WIPF3: variants seen among roughly 807,000 people sequenced by gnomAD.
WIPF3 encodes the protein WAS/WASL interacting protein family member 3, also known as WAS/WASL-interacting protein family member 3.
A neutral mutation model predicts 38.9 loss-of-function variants in WIPF3; 33 were observed. That is an observed-to-expected ratio of 0.85 (90% CI 0.64 to 1.14). The LOEUF is 1.14. Among genes scored for constraint, WIPF3 ranks in the 50% most tolerant of loss-of-function variants. WIPF3 has a pLI of 0.00. For missense variants in WIPF3, 711 were observed against 652.5 expected (o/e 1.09, Z -0.98); for synonymous variants, 324 against 269.3 (o/e 1.20, Z -1.99).
chr7:29,870,217 A>T (rs1032442793), intron 2 of WIPF3, among the ~76,000 whole-genome samples: 1 of 152,202 alleles, frequency 6.6e-6, no homozygotes, highest in Non-Finnish European at 1.5e-5. Context: ...TGGGCTGGTC[A>T]CTAAGGGCCT....
At chr7:29,812,651 A>G (rs1170137865) in intron 1 of WIPF3, among the ~76,000 whole-genome samples, 1 of 152,208 alleles carries the variant, frequency 6.6e-6, no homozygotes, top group African/African-American at 2.4e-5. Flanking sequence ...GTTGTTCTAA[A>G]TATATTAGAG....
chr7:29,851,162 A>G (rs531029978), intron 2 of WIPF3, among the ~76,000 whole-genome samples: 2 of 152,220 alleles, frequency 1.3e-5, no homozygotes, highest in East Asian at 1.9e-4. Flanking sequence ...CTTGCCGGCC[A>G]TGTCACCTTC....
intron 1 of WIPF3, among the ~76,000 whole-genome samples, chr7:29,808,209 C>T (rs1317587695): frequency 6.6e-6 from 1 of 152,204 alleles, no homozygotes; most frequent in African/African-American, 2.4e-5. Flanking sequence ...TGTGGTAACA[C>T]ACAGATTGCT....
intron 8 of WIPF3, among the ~76,000 whole-genome samples, chr7:29,910,847 G>T (rs1786492430): frequency 6.6e-6 from 1 of 152,146 alleles, no homozygotes; most frequent in Non-Finnish European, 1.5e-5. Flanking sequence ...TTTGCTTTAA[G>T]ATCAGGAACA....
At chr7:29,839,484 C>A (rs1230341320) in intron 2 of WIPF3, among the ~76,000 whole-genome samples, 2 of 152,184 alleles carry the variant, frequency 1.3e-5, no homozygotes, top group East Asian at 3.9e-4. Context: ...AATGGAATGA[C>A]CTCCTATCAC....
At chr7:29,893,078 A>C (rs942281203) in intron 7 of WIPF3, among the ~76,000 whole-genome samples, 4 of 132,146 alleles carry the variant, frequency 3.0e-5, no homozygotes, top group African/African-American at 1.2e-4. Flanking sequence ...AACAAAAAAC[A>C]AAAAAAAAAG....
At chr7:29,840,218 C>G (rs1435295404) in intron 2 of WIPF3, among the ~76,000 whole-genome samples, 1 of 152,144 alleles carries the variant, frequency 6.6e-6, no homozygotes, top group African/African-American at 2.4e-5. Flanking sequence ...CTTCCTGGAC[C>G]CTGTTGAGCT....
At chr7:29,894,033 C>T (rs1786081529) in intron 7 of WIPF3, among the ~76,000 whole-genome samples, 1 of 152,180 alleles carries the variant, frequency 6.6e-6, no homozygotes, top group African/African-American at 2.4e-5. Context: ...GGCTGTGTTC[C>T]AATAAAACTT....
chr7:29,904,169 G>T (rs998337562), intron 7 of WIPF3, 117 bp from the exon 8 acceptor site: 1 of 908,722 alleles, frequency 1.1e-6, no homozygotes, highest in Non-Finnish European at 1.7e-6. Flanking sequence ...ACAGTCTAGG[G>T]CCAGGATCCT....
chr7:29,889,493 C>A, intron 7 of WIPF3, 86 bp downstream of exon 7: 1 of 975,126 alleles, frequency 1.0e-6, no homozygotes, highest in Non-Finnish European at 1.6e-6. Flanking sequence ...CACAGACTGT[C>A]TAAAGGATGA....
chr7:29,904,895 C>T (rs1212787589), intron 8 of WIPF3: 1 of 152,970 alleles, frequency 6.5e-6, no homozygotes, highest in Non-Finnish European at 1.5e-5. Context: ...CTTGAAGAAA[C>T]ACCTTTAATC....
chr7:29,896,131 ACT>A (rs1786138910), intron 7 of WIPF3, among the ~76,000 whole-genome samples: 1 of 152,086 alleles, frequency 6.6e-6, no homozygotes, highest in South Asian at 2.1e-4. Context: ...ACATAGCAAG[ACT>A]CTGTCTTTAC....
chr7:29,882,097 T>C (rs1785731214), intron 4 of WIPF3, among the ~76,000 whole-genome samples: 1 of 152,200 alleles, frequency 6.6e-6, no homozygotes. Flanking sequence ...AGGATAAAAA[T>C]GAGTTTGCCC....
chr7:29,841,436 C>T (rs1452335764), intron 2 of WIPF3, among the ~76,000 whole-genome samples: 4 of 152,210 alleles, frequency 2.6e-5, no homozygotes, highest in Non-Finnish European at 4.4e-5. Context: ...AAAGCAAAGC[C>T]AGACGGGCTC....
chr7:29,907,576 C>A (rs940348308), intron 8 of WIPF3, among the ~76,000 whole-genome samples: 9 of 151,916 alleles, frequency 5.9e-5, no homozygotes, highest in African/African-American at 1.9e-4. Context: ...AGGTGATAAA[C>A]CATGAGGGCA....
chr7:29,891,045 G>T (rs1315845605), intron 7 of WIPF3, among the ~76,000 whole-genome samples: 1 of 134,304 alleles, frequency 7.4e-6, no homozygotes, highest in South Asian at 2.5e-4. Flanking sequence ...GGTGGAGGGG[G>T]CACGGGCCTG....
chr7:29,868,296 G>A (rs372941116), intron 2 of WIPF3, among the ~76,000 whole-genome samples: 2 of 152,164 alleles, frequency 1.3e-5, no homozygotes, highest in African/African-American at 4.8e-5. Flanking sequence ...TAAACCCAGA[G>A]CAGCTGAAAT....
intron 7 of WIPF3, among the ~76,000 whole-genome samples, chr7:29,895,108 T>A (rs1163659024): frequency 2.0e-5 from 3 of 152,000 alleles, no homozygotes; most frequent in African/African-American, 7.3e-5. Flanking sequence ...ACCCAGCTAA[T>A]TTTTGTATTT....
At chr7:29,904,408 T>C in intron 8 of WIPF3, 46 bp downstream of exon 8, 5 of 1,576,580 alleles carry the variant, frequency 3.2e-6, no homozygotes, top group Non-Finnish European at 4.4e-6. Context: ...GGAATTCTCC[T>C]CAGGAGGCAC....
Sources: gnomAD v4.1 joint callset for allele counts (sites outside exome capture counted in the v4.1 genomes callset) on GRCh38, gnomAD v4.1.1 for gene constraint, MANE v1.5 for transcripts, NCBI Gene and HGNC (gene_info 2026-07-23, HGNC 2026-07-21) for gene names.